The following FICD variants were observed in gnomAD, a reference collection of about 807,000 sequenced individuals.
FICD encodes the protein protein adenylyltransferase FICD.
Under a neutral mutation model 28.0 loss-of-function variants are expected in FICD, and 13 were observed. That is an observed-to-expected ratio of 0.46 (90% CI 0.30 to 0.74). The LOEUF (loss-of-function observed/expected upper bound fraction) is 0.74. Ranked by LOEUF, FICD falls within the 30% of genes least tolerant of loss-of-function variation. The pLI, the probability that FICD is intolerant of heterozygous loss-of-function variation, is 0.07. For missense variants in FICD, 576 were observed against 624.5 expected, an observed-to-expected ratio of 0.92 and a Z score of 0.83; for synonymous variants, 268 against 266.4, an observed-to-expected ratio of 1.01 and a Z score of -0.06.
chr12:108,519,520 A>T lies in FICD; in HGVS notation c.*45A>T, dbSNP rs758867023. 6.3e-6 allele frequency: 8 copies of T among 1,269,206 alleles called. No homozygotes were observed. The Admixed American group carries it at 2.1e-4, about 34-fold the overall frequency. 78.6% of individuals were successfully genotyped at this position (1,269,206 alleles called of 1,614,324 possible). ...CAAAGGCTGTCCTGAGGTAGGAAAA[A>T]AAAAAAGAAACAGCATTTCTAGAAA... On this transcript the variant is annotated 3_prime_UTR_variant, in exon 3 of 3. Coordinates refer to ENST00000552695, the MANE Select transcript of FICD (RefSeq NM_007076.3). The surrounding 1 kb of genome is among the most constrained non-coding windows in gnomAD (Gnocchi z 4.5).
Position 108,518,026 on chromosome 12 carries a change from T to C in FICD, c.302-374T>C. 1.5e-6 allele frequency: 1 copy of C among 667,346 alleles called. No individual in the cohort carries two copies. Among genetic ancestry groups the C allele is most frequent in the Non-Finnish European group, 2.7e-6 (1 of 366,284 alleles). The allele number at this position is 667,346 out of a possible 1,614,324, so 41.3% of individuals were successfully genotyped here. A position where few individuals can be genotyped will look rare whatever the true frequency, so the allele number is the denominator to read the frequency against. On this transcript the variant is annotated intron_variant, in intron 2 of 2. Coordinates refer to ENST00000552695, the MANE Select transcript of FICD (RefSeq NM_007076.3). The surrounding 1 kb of genome is among the most constrained non-coding windows in gnomAD (Gnocchi z 4.4). ...ACCAGCACAAGATGAGCTGGAGATG[T>C]AGGAGACGGCCTACACTGGGAGCTG...
In FICD at chr12:108,517,055, C is replaced by T. The variant is rs774918691; in HGVS notation, c.83C>T (p.Thr28Met). The T allele has an allele frequency of 1.9e-5, 30 of 1,597,358 alleles. No individual in the cohort carries two copies. The highest frequency in any genetic ancestry group is 5.6e-5 in the South Asian group (5 of 89,144). The change falls in exon 2 of 3, where the codon ACG becomes ATG. Residue 28 changes from threonine to methionine, a missense_variant. Transcript: ENST00000552695. Reference sequence around the variant, plus strand: ...GTCTGGAGCCGCTTCCTCTGGGTGACGCTGCTGAGCATGGTGCTGGGGTCC... The same window carrying T: ...GTCTGGAGCCGCTTCCTCTGGGTGATGCTGCTGAGCATGGTGCTGGGGTCC... ...VSVWSRFLWV[T>M]LLSMVLGSLL...
chr12:108,519,354 C>T lies in FICD; in HGVS notation c.1256C>T (p.Ala419Val). The change falls in exon 3 of 3, where the codon GCC becomes GTC. Residue 419 changes from alanine (A) to valine (V), a missense_variant. By Grantham distance (64) the Ala-to-Val change is moderately conservative. Transcript: ENST00000552695. The surrounding 1 kb of genome is among the most constrained non-coding windows in gnomAD (Gnocchi z 4.5). ...GTGAGGCCTTTCATTCGCTTCATCG[C>T]CAAGTGTACTGAGACCACCCTGGAC... ...GDVRPFIRFI[A>V]KCTETTLDTL... 1.2e-6 allele frequency: 2 copies of T among 1,614,166 alleles called. No individual in the cohort carries two copies. The highest frequency in any genetic ancestry group is 1.7e-6 in the Non-Finnish European group (2 of 1,180,028).
Position 108,519,083 on chromosome 12 carries a change from A to G in FICD, c.985A>G (p.Lys329Glu), listed in dbSNP as rs1277852873. Residue 329 changes from lysine to glutamate, a missense_variant, in exon 3 of 3, where the codon AAG becomes GAG. By Grantham distance (56) the Lys-to-Glu change is moderately conservative (BLOSUM62 1). Transcript: ENST00000552695. The surrounding 1 kb of genome is among the most constrained non-coding windows in gnomAD (Gnocchi z 4.5). ...HIPPHPQDVEKQMQEFVQWLN... is the reference protein window; with the variant it reads ...HIPPHPQDVEEQMQEFVQWLN... ...CCCTCCCCATCCGCAGGATGTGGAAAAGCAGATGCAGGAGTTTGTACAGTG... is the reference window on the plus strand; with the variant it reads ...CCCTCCCCATCCGCAGGATGTGGAAGAGCAGATGCAGGAGTTTGTACAGTG... 3.1e-6 allele frequency: 5 copies of G among 1,614,210 alleles called. No individual in the cohort carries two copies. Among genetic ancestry groups the G allele is most frequent in the Non-Finnish European group, 4.2e-6 (5 of 1,180,030 alleles).
chr12:108,517,107 G>C lies in FICD; in HGVS notation c.135G>C (p.Gly45=), dbSNP rs759739992. Residue 45 remains glycine (G), a synonymous_variant, in exon 2 of 3, where the codon GGG becomes GGC. Transcript: ENST00000552695. Reference sequence around the variant, plus strand: ...TGCTGGCCCTGCTGCTGCCGCTGGGGGCTGTGGAGGAGCAGTGCTTGGCTG... The same window carrying C: ...TGCTGGCCCTGCTGCTGCCGCTGGGCGCTGTGGAGGAGCAGTGCTTGGCTG... ...GSLLALLLPL[G]AVEEQCLAVL... 1 of 1,610,214 alleles carries C rather than the reference G, an allele frequency of 6.2e-7. No homozygotes were observed. The highest frequency in any genetic ancestry group is 1.3e-5 in the African/African-American group (1 of 75,032).
At position 108,519,119 on chromosome 12, in the gene FICD, G is replaced by A. The variant is rs759130940; in HGVS notation, c.1021G>A (p.Glu341Lys). ...GGAGTTTGTACAGTGGCTCAACTCC[G>A]AGGAAGCCATGAACCTGCACCCAGT... Reference protein sequence around the residue: ...MQEFVQWLNSEEAMNLHPVEF... With the variant: ...MQEFVQWLNSKEAMNLHPVEF... Residue 341 changes from glutamate to lysine, a missense_variant, in exon 3 of 3, where the codon GAG (glutamate) becomes AAG (lysine). Physicochemically the swap from Glu to Lys is moderately conservative, Grantham distance 56. Coordinates refer to ENST00000552695, the MANE Select transcript of FICD (RefSeq NM_007076.3). The surrounding 1 kb of genome is among the most constrained non-coding windows in gnomAD (Gnocchi z 4.5). 3.1e-6 allele frequency: 5 copies of A among 1,614,084 alleles called. No individual in the cohort carries two copies. Among genetic ancestry groups the A allele is most frequent in the African/African-American group, 2.7e-5 (2 of 74,930 alleles).
rs7969198 is a variant in FICD, at chr12:108,520,642, G to A, written c.*1167G>A. 119,939 of 152,122 alleles carry A rather than the reference G, an allele frequency of 0.79. 47,860 individuals are homozygous for A. The highest frequency in any genetic ancestry group is 0.92 in the East Asian group (4,786 of 5,180). The allele number at this position is 152,122 out of a possible 1,614,324, so 9.4% of individuals were successfully genotyped here. On this transcript the variant is annotated 3_prime_UTR_variant, in exon 3 of 3. Transcript: ENST00000552695. ...TGTAGTGCTCTATGTAATATGGCCG[G>A]GTTTCCAAGCTGTCATCCAATGGAA...
Position 108,519,579 on chromosome 12 carries a change from T to G in FICD, c.*104T>G. The stretch of plus-strand genomic sequence containing the variant: ...CTTCCTAAAGCAAAAGGAGAAACAT[T>G]CTTTACCTCCAAATGTTTTAGTTTT... On this transcript the variant is annotated 3_prime_UTR_variant, in exon 3 of 3. Transcript: ENST00000552695. The surrounding 1 kb of genome is among the most constrained non-coding windows in gnomAD (Gnocchi z 4.5). 1 of 617,972 alleles carries G rather than the reference T, an allele frequency of 1.6e-6. No individual in the cohort carries two copies. 38.3% of individuals were successfully genotyped at this position (617,972 alleles called of 1,614,324 possible).
chr12:108,519,767 CCAGAA>C lies in FICD; in HGVS notation c.*295_*299del. 3.4e-6 allele frequency: 1 copy of C among 293,312 alleles called. No homozygotes were observed. Among genetic ancestry groups the C allele is most frequent in the South Asian group, 6.6e-5 (1 of 15,174 alleles). The allele number at this position is 293,312 out of a possible 1,614,324, so 18.2% of individuals were successfully genotyped here. On this transcript the variant is annotated 3_prime_UTR_variant, in exon 3 of 3. Transcript: ENST00000552695. The surrounding 1 kb of genome is among the most constrained non-coding windows in gnomAD (Gnocchi z 4.5). Reference sequence around the variant, plus strand: ...TAGGGGCAACAGTGCCACCATGTGACCAGAACAAAGGTTCTGGAGCAGAATTTGCA... The same window carrying C: ...TAGGGGCAACAGTGCCACCATGTGACCAAAGGTTCTGGAGCAGAATTTGCA...
rs776045064 is a variant in FICD, at chr12:108,517,176, G to T, written c.204G>T (p.Ala68=). ...TGCTCAGGAGCAAACCGGACAGGGC[G>T]CAGCATGCCGCCACCAAGTGCACCA... is the stretch of plus-strand genomic sequence containing the variant. ...LYLLRSKPDR[A]QHAATKCTSP... is the part of the protein sequence containing the mutation. The change falls in exon 2 of 3, where the codon GCG becomes GCT. Residue 68 remains alanine (A), a synonymous_variant. Transcript: ENST00000552695. 2.1e-5 allele frequency: 33 copies of T among 1,597,494 alleles called. No homozygotes were observed. The highest frequency in any genetic ancestry group is 2.6e-5 in the Non-Finnish European group (31 of 1,171,214).
chr12:108,518,197 T>C lies in FICD; in HGVS notation c.302-203T>C, dbSNP rs1871968418. On this transcript the variant is annotated intron_variant, in intron 2 of 2. Coordinates refer to ENST00000552695, the MANE Select transcript of FICD (RefSeq NM_007076.3). The surrounding 1 kb of genome is among the most constrained non-coding windows in gnomAD (Gnocchi z 4.4). ...GCTCTGGGGACACACGGATAGTGAC[T>C]GCATACCACCACACGGCTGGGGCAA... is the stretch of plus-strand genomic sequence containing the variant. 2.8e-6 allele frequency: 2 copies of C among 703,420 alleles called. No homozygotes were observed. The highest frequency in any genetic ancestry group is 3.5e-5 in the African/African-American group (2 of 57,262). 43.6% of individuals were successfully genotyped at this position (703,420 alleles called of 1,614,324 possible).
At chr12:108,516,334 G>A (rs751613226) in intron 1 of FICD, among the ~76,000 whole-genome samples, 5 of 152,192 alleles carry the variant, frequency 3.3e-5, no homozygotes, top group Non-Finnish European at 7.4e-5. Flanking sequence ...CCCAACAATT[G>A]TGCTTATCAA....
chr12:108,516,302 G>A (rs1038657387), intron 1 of FICD, among the ~76,000 whole-genome samples: 3 of 152,222 alleles, frequency 2.0e-5, no homozygotes, highest in African/African-American at 7.2e-5. Context: ...GAATATCAGG[G>A]TGAGGGCAAT....
In FICD at chr12:108,520,051, T is replaced by G. The variant is rs956184939; in HGVS notation, c.*576T>G. ...CCTTACTTACCTGCAGGAAGACTTT[T>G]TGAGCCATAGTTTGCAAACTTTAGT... On this transcript the variant is annotated 3_prime_UTR_variant, in exon 3 of 3. Coordinates refer to ENST00000552695, the MANE Select transcript of FICD (RefSeq NM_007076.3). 6.6e-6 allele frequency: 1 copy of G among 151,728 alleles called. No individual in the cohort carries two copies. The highest frequency in any genetic ancestry group is 2.4e-5 in the African/African-American group (1 of 41,270). 9.4% of individuals were successfully genotyped at this position (151,728 alleles called of 1,614,324 possible). A position where few individuals can be genotyped will look rare whatever the true frequency, so the allele number is the denominator to read the frequency against.
rs988174983 is a variant in FICD at position 108,518,338 on chromosome 12, C to G, written c.302-62C>G. On this transcript the variant is annotated intron_variant, in intron 2 of 2. Transcript: ENST00000552695. This position sits in a 1 kb window ranked among gnomAD's most constrained non-coding sequence, Gnocchi z 4.4. ...GCGGAGACCAGCACAGGGGACAGCC[C>G]CCCGAATGTCCTCTGCCCCCTAGCC... is the stretch of plus-strand genomic sequence containing the variant. The G allele has an allele frequency of 2.2e-6, 3 of 1,381,980 alleles. No homozygotes were observed. The African/African-American group carries it at 4.3e-5, about 20-fold the overall frequency. The allele number at this position is 1,381,980 out of a possible 1,614,324, so 85.6% of individuals were successfully genotyped here. A position where few individuals can be genotyped will look rare whatever the true frequency, so the allele number is the denominator to read the frequency against.
rs914633159 is a variant in FICD at position 108,520,884 on chromosome 12, A to G, written c.*1409A>G. ...CTGACAGTAATGAGGCCACTGCTCT[A>G]AAGTAGTTTATACAGTTCTTCAGTT... On this transcript the variant is annotated 3_prime_UTR_variant, in exon 3 of 3. Coordinates refer to ENST00000552695, the MANE Select transcript of FICD (RefSeq NM_007076.3). 3 of 152,230 alleles carry G rather than the reference A, an allele frequency of 2.0e-5. No individual in the cohort carries two copies. Among genetic ancestry groups the G allele is most frequent in the Non-Finnish European group, 4.4e-5 (3 of 68,040 alleles). The allele number at this position is 152,230 out of a possible 1,614,324, so 9.4% of individuals were successfully genotyped here.
rs199538108 is a variant in FICD, at chr12:108,518,937, C to T, written c.839C>T (p.Ser280Leu). The T allele has an allele frequency of 8.1e-6, 13 of 1,614,192 alleles. No individual in the cohort carries two copies. Among genetic ancestry groups the T allele is most frequent in the East Asian group, 2.2e-5 (1 of 44,872 alleles). ...AAGTACATCAACACGACTCTGGTTT[C>T]GCGCATCGGCTCCGTCACCATCAGC... ...AMKYINTTLVSRIGSVTISDV... is the reference protein window; with the variant it reads ...AMKYINTTLVLRIGSVTISDV... Residue 280 changes from serine (S) to leucine (L), a missense_variant, in exon 3 of 3, where the codon TCG becomes TTG. Ser to Leu is a moderately radical substitution (Grantham distance 145). Coordinates refer to ENST00000552695, the MANE Select transcript of FICD (RefSeq NM_007076.3). The surrounding 1 kb of genome is among the most constrained non-coding windows in gnomAD (Gnocchi z 4.4).
chr12:108,516,498 C>T (rs1871914148), intron 1 of FICD, among the ~76,000 whole-genome samples: 1 of 152,174 alleles, frequency 6.6e-6, no homozygotes, highest in Non-Finnish European at 1.5e-5. Flanking sequence ...CCGTGGGGTT[C>T]CTGAGTTCAA....
chr12:108,519,703 T>C lies in FICD; in HGVS notation c.*228T>C, dbSNP rs888434648. 10 of 480,694 alleles carry C rather than the reference T, an allele frequency of 2.1e-5. No homozygotes were observed. Among genetic ancestry groups the C allele is most frequent in the African/African-American group, 1.8e-4 (9 of 50,706 alleles). The allele number at this position is 480,694 out of a possible 1,614,324, so 29.8% of individuals were successfully genotyped here. A position where few individuals can be genotyped will look rare whatever the true frequency, so the allele number is the denominator to read the frequency against. ...CTTCTTTGGAGCAAGCTAGTCAGTATTGTATGGTGTCTGCTGTGTCTTGCT... is the reference window on the plus strand; with the variant it reads ...CTTCTTTGGAGCAAGCTAGTCAGTACTGTATGGTGTCTGCTGTGTCTTGCT... On this transcript the variant is annotated 3_prime_UTR_variant, in exon 3 of 3. Transcript: ENST00000552695. This position sits in a 1 kb window ranked among gnomAD's most constrained non-coding sequence, Gnocchi z 4.5.
Sources: gnomAD v4.1 joint callset for allele counts (sites outside exome capture counted in the v4.1 genomes callset) on GRCh38, gnomAD v4.1.1 for gene constraint, Gnocchi (gnomAD v3.1) non-coding constraint, MANE v1.5 for transcripts, NCBI Gene and HGNC (gene_info 2026-07-23, HGNC 2026-07-21) for gene names.